Variants in CTIF observed in about 807,000 individuals in gnomAD.
The protein encoded by CTIF is CBP80/20-dependent translation initiation factor.
In CTIF, 21 loss-of-function variants were observed where a neutral mutation model predicts 66.0. That is an observed-to-expected ratio of 0.32 (90% CI 0.23 to 0.46). The LOEUF is 0.46. CTIF is among the 20% of genes least tolerant of loss of function. The pLI is 1.00. For synonymous variants in CTIF, 345 were observed against 326.4 expected (o/e 1.06, Z -0.62); for missense variants, 739 against 812.7 (o/e 0.91, Z 1.10).
intron 10 of CTIF, among the ~76,000 whole-genome samples, chr18:48,837,647 C>T (rs761799332): frequency 6.6e-6 from 1 of 152,196 alleles, no homozygotes; most frequent in Non-Finnish European, 1.5e-5. Context: ...GTGGTGCCCA[C>T]TCTGACTGCA....
Position 48,648,818 on chromosome 18 carries a change from G to A in CTIF, c.252+12133G>A, listed in dbSNP as rs990596588. Among the ~76,000 whole-genome samples, 9 of 152,302 alleles carry A rather than the reference G, an allele frequency of 5.9e-5. No homozygotes were observed. The East Asian group carries it at 1.2e-3, about 20-fold the overall frequency. On this transcript the variant is annotated intron_variant, in intron 3 of 11. Transcript: ENST00000256413. Reference sequence around the variant, plus strand: ...GTCGTGGGACCAGTGAGGAAACACAGGTCCAAAAAGCCAGAGTGAGGCTGG... The same window carrying A: ...GTCGTGGGACCAGTGAGGAAACACAAGTCCAAAAAGCCAGAGTGAGGCTGG...
At chr18:48,593,453 T>A (rs1479786131) in intron 1 of CTIF, among the ~76,000 whole-genome samples, 10 of 151,202 alleles carry the variant, frequency 6.6e-5, no homozygotes, top group Non-Finnish European at 1.5e-4. Context: ...CGATCTCGGC[T>A]CACTGCAAGC....
chr18:48,829,601 C>T (rs2068649282), intron 10 of CTIF, among the ~76,000 whole-genome samples: 1 of 152,230 alleles, frequency 6.6e-6, no homozygotes, highest in Non-Finnish European at 1.5e-5. Context: ...CGTGCTCCAG[C>T]ACAGGTGCCC....
At chr18:48,676,022 G>A (rs936439827) in intron 6 of CTIF, among the ~76,000 whole-genome samples, 10 of 151,762 alleles carry the variant, frequency 6.6e-5, no homozygotes, top group Admixed American at 2.0e-4. Flanking sequence ...ACCACCCCCC[G>A]GCACCCCCTC....
chr18:48,835,725 A>G (rs1159490191), intron 10 of CTIF, among the ~76,000 whole-genome samples: 1 of 152,102 alleles, frequency 6.6e-6, no homozygotes, highest in Admixed American at 6.6e-5. Flanking sequence ...CGTGGTCCAT[A>G]AAGCAGTGAT....
intron 9 of CTIF, among the ~76,000 whole-genome samples, chr18:48,790,786 C>T (rs896605220): frequency 1.3e-5 from 2 of 152,182 alleles, no homozygotes; most frequent in South Asian, 2.1e-4. Context: ...CGCCTGCAGT[C>T]GCCACCCTGG....
intron 8 of CTIF, chr18:48,760,534 G>A (rs1464060940): frequency 6.6e-6 from 1 of 152,078 alleles, no homozygotes; most frequent in Non-Finnish European, 1.5e-5. Context: ...AGCTTCTATT[G>A]TCAGGGACAG....
intron 1 of CTIF, among the ~76,000 whole-genome samples, chr18:48,610,295 A>G (rs1347310191): frequency 6.6e-6 from 1 of 152,186 alleles, no homozygotes; most frequent in Non-Finnish European, 1.5e-5. Flanking sequence ...GCTGGAGCCC[A>G]GTGGAGGCTT....
intron 2 of CTIF, among the ~76,000 whole-genome samples, chr18:48,621,833 G>C (rs1414132234): frequency 6.6e-6 from 1 of 152,156 alleles, no homozygotes; most frequent in African/African-American, 2.4e-5. Context: ...GTATTTGGGG[G>C]AAATAAGGTC....
rs150876011 is a variant in CTIF, at chr18:48,600,392, G to A, written c.-28-19146G>A. 2.6e-3 allele frequency among the ~76,000 whole-genome samples: 391 copies of A among 152,246 alleles called. 2 individuals are homozygous for A. Among genetic ancestry groups the A allele is most frequent in the African/African-American group, 8.7e-3 (362 of 41,556 alleles). ...CCATGGGCACCTTTGTAACTGTTGT[G>A]TTTTTAATTTTCTGTCAGTTGGAGC... On this transcript the variant is annotated intron_variant, in intron 1 of 11. Coordinates refer to ENST00000256413, the MANE Select transcript of CTIF (RefSeq NM_014772.3).
intron 10 of CTIF, among the ~76,000 whole-genome samples, chr18:48,851,656 TTCCC>T (rs1226304747): frequency 6.6e-6 from 1 of 152,100 alleles, no homozygotes; most frequent in East Asian, 1.9e-4. Flanking sequence ...CCAGGCGCAC[TTCCC>T]TCCCCGGGAG....
intron 1 of CTIF, among the ~76,000 whole-genome samples, chr18:48,599,679 C>T (rs2090054935): frequency 6.6e-6 from 1 of 152,236 alleles, no homozygotes; most frequent in African/African-American, 2.4e-5. Context: ...ATGCCAGCAC[C>T]TTCCTGCTCA....
chr18:48,592,683 A>G (rs1197379702), intron 1 of CTIF, among the ~76,000 whole-genome samples: 1 of 152,206 alleles, frequency 6.6e-6, no homozygotes, highest in East Asian at 1.9e-4. Flanking sequence ...TTCCCATGAC[A>G]CGCAACTTTT....
chr18:48,568,640 A>AAAAAAAG (rs2089335981), intron 1 of CTIF, among the ~76,000 whole-genome samples: 22 of 72,224 alleles, frequency 3.0e-4, no homozygotes, highest in Admixed American at 1.4e-3. Context: ...TTGTAAAAAA[A>AAAAAAAG]AAAAAAAAAA....
chr18:48,616,249 C>T (rs992253522), intron 1 of CTIF, among the ~76,000 whole-genome samples: 1 of 152,226 alleles, frequency 6.6e-6, no homozygotes, highest in Non-Finnish European at 1.5e-5. Context: ...ATTGACTTCT[C>T]CTGCAGGTGG....
chr18:48,649,827 G>A (rs2091122402), intron 3 of CTIF, among the ~76,000 whole-genome samples: 1 of 152,182 alleles, frequency 6.6e-6, no homozygotes, highest in African/African-American at 2.4e-5. Context: ...GTGATACCCA[G>A]GCAAACAGGG....
In CTIF at chr18:48,832,173, C is replaced by CTTTTT. The variant is rs61221781; in HGVS notation, c.1527+14809_1527+14813dup. Among the ~76,000 whole-genome samples, 7 of 128,286 alleles carry CTTTTT rather than the reference C, an allele frequency of 5.5e-5. 1 individual carries two copies. Among genetic ancestry groups the CTTTTT allele is most frequent in the Admixed American group, 7.7e-5 (1 of 12,952 alleles). The allele number at this position is 128,286 out of a possible 152,430, so 84.2% of individuals were successfully genotyped here. On this transcript the variant is annotated intron_variant, in intron 10 of 11. Coordinates refer to ENST00000256413, the MANE Select transcript of CTIF (RefSeq NM_014772.3). ...GCAGGGTCTGGAAAACGTGGTCCTTCTTTTTTTTTTTTTTTTAAGACAGGG... is the reference window on the plus strand; with the variant it reads ...GCAGGGTCTGGAAAACGTGGTCCTTCTTTTTTTTTTTTTTTTTTTTTAAGACAGGG...
At chr18:48,715,810 G>C (rs2092276140) in intron 7 of CTIF, among the ~76,000 whole-genome samples, 1 of 152,222 alleles carries the variant, frequency 6.6e-6, no homozygotes, top group Non-Finnish European at 1.5e-5. Flanking sequence ...ATCAAAAGAG[G>C]AAGTGGTATC....
intron 10 of CTIF, among the ~76,000 whole-genome samples, chr18:48,834,984 A>G (rs1430582253): frequency 3.9e-5 from 6 of 152,356 alleles, no homozygotes; most frequent in Admixed American, 3.9e-4. Context: ...AGCTTCCGGG[A>G]AGCGAAAAGC....
Sources: gnomAD v4.1 joint callset for allele counts (sites outside exome capture counted in the v4.1 genomes callset) on GRCh38, gnomAD v4.1.1 for gene constraint, MANE v1.5 for transcripts, NCBI Gene and HGNC (gene_info 2026-07-23, HGNC 2026-07-21) for gene names.